SLC43A3: variants seen among roughly 807,000 people sequenced by gnomAD.
The protein encoded by SLC43A3 is solute carrier family 43 member 3, also known as equilibrative nucleobase transporter 1.
In SLC43A3, 33 loss-of-function variants were observed where a neutral mutation model predicts 53.3. The ratio of observed to expected loss-of-function variants is 0.62; its 90% CI spans 0.47 to 0.83. The LOEUF (loss-of-function observed/expected upper bound fraction) is 0.83. Ranked by LOEUF, SLC43A3 falls within the 40% of genes least tolerant of loss-of-function variation. The pLI is 0.00. For missense variants in SLC43A3, 530 were observed against 610.0 expected (o/e 0.87, Z 1.38); for synonymous variants, 236 against 246.2 (o/e 0.96, Z 0.39).
At chr11:57,422,866 A>G (rs1403823707) in intron 5 of SLC43A3, among the ~76,000 whole-genome samples, 8 of 152,224 alleles carry the variant, frequency 5.3e-5, no homozygotes, top group African/African-American at 1.4e-4. Flanking sequence ...GTGCTGGGCC[A>G]TCTCATGAGA....
At chr11:57,417,687 T>G in intron 8 of SLC43A3, 61 bp downstream of exon 8, 1 of 1,600,670 alleles carries the variant, frequency 6.2e-7, no homozygotes, top group Non-Finnish European at 8.5e-7. Context: ...TGCTTTACCC[T>G]GTCCATCCCA....
intron 11 of SLC43A3, 25 bp downstream of exon 11, chr11:57,414,590 G>A: frequency 7.6e-7 from 1 of 1,318,388 alleles, no homozygotes; most frequent in Non-Finnish European, 1.1e-6. Flanking sequence ...TCCCTGACCA[G>A]CCCCTGCCCT....
At chr11:57,409,068 G>C in intron 13 of SLC43A3, 107 bp downstream of exon 13, 1 of 1,106,574 alleles carries the variant, frequency 9.0e-7, no homozygotes, top group Non-Finnish European at 1.4e-6. Flanking sequence ...AGACCCTTTG[G>C]GAAGCTGCAC....
At position 57,421,645 on chromosome 11, in the gene SLC43A3, C is replaced by T. The variant is rs904138479; in HGVS notation, c.362-272G>A. On this transcript the variant is annotated intron_variant, in intron 5 of 13. Coordinates refer to ENST00000395124, the MANE Select transcript of SLC43A3 (RefSeq NM_199329.3). ...GAAGTCTACAGACAGAGGCAGAGCT[C>T]TAAGTGAAGCCACCTCTCTCTTCCC... is the stretch of plus-strand genomic sequence containing the variant. Among the ~76,000 whole-genome samples the T allele has an allele frequency of 5.9e-5, 9 of 152,304 alleles. No individual in the cohort carries two copies. In the East Asian group the frequency reaches 1.7e-3, roughly 29 times the overall value.
chr11:57,413,886 A>G (rs1942593771), intron 11 of SLC43A3, among the ~76,000 whole-genome samples: 1 of 151,906 alleles, frequency 6.6e-6, no homozygotes, highest in South Asian at 2.1e-4. Flanking sequence ...CCGCCTCTTC[A>G]TCTCCTCCCT....
At chr11:57,424,613 TAA>T (rs200820489) in intron 4 of SLC43A3, among the ~76,000 whole-genome samples, 7 of 122,358 alleles carry the variant, frequency 5.7e-5, no homozygotes, top group Non-Finnish European at 5.3e-5. Context: ...AGGCATGGAG[TAA>T]AAAAAAAAAA....
chr11:57,418,931 A>C (rs1367033315), intron 7 of SLC43A3, among the ~76,000 whole-genome samples: 1 of 152,114 alleles, frequency 6.6e-6, no homozygotes, highest in Non-Finnish European at 1.5e-5. Flanking sequence ...TATGTTATGT[A>C]TATTTTATTG....
At chr11:57,423,350 T>G (rs1943069519) in intron 5 of SLC43A3, among the ~76,000 whole-genome samples, 1 of 152,240 alleles carries the variant, frequency 6.6e-6, no homozygotes, top group African/African-American at 2.4e-5. Context: ...CATATAATCA[T>G]TTCATTAAAA....
chr11:57,415,024 C>T lies in SLC43A3; in HGVS notation c.852G>A (p.Val284=), dbSNP rs891091774. Residue 284 remains valine, a synonymous_variant, in exon 10 of 14, where the codon GTG becomes GTA. Transcript: ENST00000395124. ...GCCACAACTGTATCACAGACAGCCA[C>T]ACCAGGTGCCAGGCAAAGCGCCGAG... is the stretch of plus-strand genomic sequence containing the variant. The part of the protein sequence containing the change: ...AFSRRFAWHL[V]WLSVIQLWHY... 2.0e-5 allele frequency: 32 copies of T among 1,614,114 alleles called. No homozygotes were observed. Among genetic ancestry groups the T allele is most frequent in the South Asian group, 8.8e-5 (8 of 91,092 alleles).
At position 57,421,380 on chromosome 11, in the gene SLC43A3, C is replaced by G. The variant is rs1162504341; in HGVS notation, c.362-7G>C. The G allele has an allele frequency of 1.9e-6, 3 of 1,612,642 alleles. No homozygotes were observed. The highest frequency in any genetic ancestry group is 2.5e-6 in the Non-Finnish European group (3 of 1,179,120). ...AAGAGCAGCACGGCTGAGCCTGGAC[C>G]ATCAAAGTCAGAGGTAGGGTGGTGT... On this transcript the variant is annotated splice_region_variant and splice_polypyrimidine_tract_variant and intron_variant, in intron 5 of 13. Coordinates refer to ENST00000395124, the MANE Select transcript of SLC43A3 (RefSeq NM_199329.3).
Position 57,426,221 on chromosome 11 carries a change from G to A in SLC43A3, c.-49C>T, listed in dbSNP as rs148673655. The A allele has an allele frequency of 1.2e-5, 19 of 1,565,694 alleles. No homozygotes were observed. The highest frequency in any genetic ancestry group is 1.6e-5 in the Non-Finnish European group (18 of 1,144,588). ...AAATCCCACTTTGTCCTCCTGGACGGATCACAGGCGCCGTAAGCCTGGCGT... is the reference window on the plus strand; with the variant it reads ...AAATCCCACTTTGTCCTCCTGGACGAATCACAGGCGCCGTAAGCCTGGCGT... On this transcript the variant is annotated 5_prime_UTR_variant, in exon 3 of 14. Transcript: ENST00000395124.
At chr11:57,416,542 G>C in intron 9 of SLC43A3, 31 bp downstream of exon 9, 1 of 1,567,654 alleles carries the variant, frequency 6.4e-7, no homozygotes, top group Middle Eastern at 1.7e-4. Context: ...CTTGGGTCTG[G>C]AGGAGAGATG....
In SLC43A3 at chr11:57,407,801, T is replaced by C; in HGVS notation, c.1467A>G (p.Ala489=). The change falls in exon 14 of 14, where the codon GCA becomes GCG. Residue 489 remains alanine (A), a synonymous_variant. Coordinates refer to ENST00000395124, the MANE Select transcript of SLC43A3 (RefSeq NM_199329.3). Reference sequence around the variant, plus strand: ...AGTGAGGGCTTCTGAACTATGCAATTGCAGAGGGACTTTCTTTCCAAGTAC... The same window carrying C: ...AGTGAGGGCTTCTGAACTATGCAATCGCAGAGGGACTTTCTTTCCAAGTAC... ...ECRTWKESPS[A]IA is the part of the protein sequence containing the mutation. The C allele has an allele frequency of 6.2e-7, 1 of 1,606,146 alleles. No individual in the cohort carries two copies.
Position 57,426,275 on chromosome 11 carries a change from G to C in SLC43A3, c.-103C>G. ...AGCACTTGGAAAATTCCTCTGGCAAGCCAAGCCCTTCCTTTCCCGTAGCTC... is the reference window on the plus strand; with the variant it reads ...AGCACTTGGAAAATTCCTCTGGCAACCCAAGCCCTTCCTTTCCCGTAGCTC... On this transcript the variant is annotated 5_prime_UTR_variant, in exon 3 of 14. Coordinates refer to ENST00000395124, the MANE Select transcript of SLC43A3 (RefSeq NM_199329.3). 8.8e-7 allele frequency: 1 copy of C among 1,130,200 alleles called. No homozygotes were observed. Among genetic ancestry groups the C allele is most frequent in the Non-Finnish European group, 1.3e-6 (1 of 793,950 alleles). 70.0% of individuals were successfully genotyped at this position (1,130,200 alleles called of 1,614,324 possible).
Position 57,421,001 on chromosome 11 carries a change from A to ACT in SLC43A3, c.501_502insAG (p.Ser169LeufsTer34). ...ATAATAAGGAAGACTGCCGAGGAAG[A>ACT]GTCAAATGCTCCATTGTACAGAGTG... On this transcript the variant is annotated frameshift_variant, in exon 7 of 14. Coordinates refer to ENST00000395124, the MANE Select transcript of SLC43A3 (RefSeq NM_199329.3). LOFTEE classifies it high-confidence loss of function. 1 of 1,613,676 alleles carries ACT rather than the reference A, an allele frequency of 6.2e-7. No individual in the cohort carries two copies. The highest frequency in any genetic ancestry group is 8.5e-7 in the Non-Finnish European group (1 of 1,179,542).
intron 11 of SLC43A3, among the ~76,000 whole-genome samples, chr11:57,412,237 A>G (rs1942507350): frequency 6.6e-6 from 1 of 152,236 alleles, no homozygotes; most frequent in Non-Finnish European, 1.5e-5. Flanking sequence ...CATCTAAAAG[A>G]CACAGATTCT....
chr11:57,421,150 T>G (rs1380457629), intron 6 of SLC43A3, 86 bp from the exon 7 acceptor site: 2 of 1,258,182 alleles, frequency 1.6e-6, no homozygotes, highest in Non-Finnish European at 2.3e-6. Flanking sequence ...AGACCCTCCT[T>G]ATACCCAAAC....
At chr11:57,412,848 A>T (rs892461609) in intron 11 of SLC43A3, among the ~76,000 whole-genome samples, 1 of 152,002 alleles carries the variant, frequency 6.6e-6, no homozygotes, top group African/African-American at 2.4e-5. Flanking sequence ...TCCTTTTGCG[A>T]TCCTAATGAA....
chr11:57,417,346 C>G (rs553602388), intron 8 of SLC43A3, among the ~76,000 whole-genome samples: 1 of 152,194 alleles, frequency 6.6e-6, no homozygotes, highest in Non-Finnish European at 1.5e-5. Context: ...TTTCAGAACC[C>G]TGAAATCACG....
Sources: allele counts gnomAD v4.1 joint callset (sites outside exome capture counted in the v4.1 genomes callset), GRCh38; gene constraint gnomAD v4.1.1; transcripts MANE v1.5; gene names NCBI Gene and HGNC (gene_info 2026-07-23, HGNC 2026-07-21).